The following FOXJ2 variants were observed in gnomAD, a reference collection of about 807,000 sequenced individuals.
The protein encoded by FOXJ2 is forkhead box J2, also known as forkhead box protein J2.
FOXJ2 carries 18 observed loss-of-function variants against 68.4 expected under a neutral mutation model. The ratio of observed to expected loss-of-function variants is 0.26; its 90% CI spans 0.18 to 0.39. The LOEUF (loss-of-function observed/expected upper bound fraction) is 0.39. FOXJ2 is among the 10% of genes least tolerant of loss of function. The pLI, the probability that FOXJ2 is intolerant of heterozygous loss-of-function variation, is 1.00. For missense variants in FOXJ2, 670 were observed against 726.5 expected (o/e 0.92, Z 0.89); for synonymous variants, 274 against 263.2 (o/e 1.04, Z -0.40).
chr12:8,052,621 A>T lies in FOXJ2; in HGVS notation c.1637-141A>T, dbSNP rs1417632684. 3 of 636,278 alleles carry T rather than the reference A, an allele frequency of 4.7e-6. No individual in the cohort carries two copies. The African/African-American group carries it at 5.4e-5, about 12-fold the overall frequency. The allele number at this position is 636,278 out of a possible 1,614,324, so 39.4% of individuals were successfully genotyped here. A position where few individuals can be genotyped will look rare whatever the true frequency, so the allele number is the denominator to read the frequency against. Reference sequence around the variant, plus strand: ...CTCACTGAAATGGTGACCTGCAACCAAAATTAACTCCAGCTGATAAGGGCG... The same window carrying T: ...CTCACTGAAATGGTGACCTGCAACCTAAATTAACTCCAGCTGATAAGGGCG... On this transcript the variant is annotated intron_variant, in intron 10 of 10. Transcript: ENST00000162391.
At position 8,052,986 on chromosome 12, in the gene FOXJ2, AAGCCACTGC is replaced by A; in HGVS notation, c.*138_*146del. On this transcript the variant is annotated 3_prime_UTR_variant, in exon 11 of 11. Transcript: ENST00000162391. ...TCTTTTTGTTCTTTCTCTGTCAGAG[AAGCCACTGC>A]AAGATGCTGCCGAAGATAACCCTCT... The A allele has an allele frequency of 2.0e-6, 1 of 493,076 alleles. No homozygotes were observed. The highest frequency in any genetic ancestry group is 3.6e-6 in the Non-Finnish European group (1 of 276,380). The allele number at this position is 493,076 out of a possible 1,614,324, so 30.5% of individuals were successfully genotyped here. A position where few individuals can be genotyped will look rare whatever the true frequency, so the allele number is the denominator to read the frequency against.
At chr12:8,046,723 A>G (rs1028907132) in intron 6 of FOXJ2, among the ~76,000 whole-genome samples, 4 of 152,226 alleles carry the variant, frequency 2.6e-5, no homozygotes, top group Non-Finnish European at 5.9e-5. Context: ...CAGGTGAGGC[A>G]TTAGACCTTC....
Position 8,040,240 on chromosome 12 carries a change from C to G in FOXJ2, c.333+75C>G. The G allele has an allele frequency of 7.0e-7, 1 of 1,432,722 alleles. No individual in the cohort carries two copies. Among genetic ancestry groups the G allele is most frequent in the Non-Finnish European group, 9.6e-7 (1 of 1,044,624 alleles). 88.8% of individuals were successfully genotyped at this position (1,432,722 alleles called of 1,614,324 possible). On this transcript the variant is annotated intron_variant, in intron 2 of 10. Coordinates refer to ENST00000162391, the MANE Select transcript of FOXJ2 (RefSeq NM_018416.3). This position sits in a 1 kb window ranked among gnomAD's most constrained non-coding sequence, Gnocchi z 4.0. ...TTTAGAGAAAAAGGTTTTGTTTCTT[C>G]TTGTAACCTGTTCAGTTTACTCTGG...
At position 8,033,231 on chromosome 12, in the gene FOXJ2, A is replaced by G. The variant is rs1243285885; in HGVS notation, c.-617A>G. The G allele has an allele frequency of 4.9e-6, 1 of 204,724 alleles. No individual in the cohort carries two copies. The highest frequency in any genetic ancestry group is 2.3e-5 in the African/African-American group (1 of 43,446). The allele number at this position is 204,724 out of a possible 1,614,324, so 12.7% of individuals were successfully genotyped here. ...AGCGCGCCCCCGCCCCTCCAAACAC[A>G]CACTCTCAACAGTTCAGGACTTTGG... is the stretch of plus-strand genomic sequence containing the variant. On this transcript the variant is annotated 5_prime_UTR_variant, in exon 1 of 11. Transcript: ENST00000162391.
In FOXJ2 at chr12:8,054,839, T is replaced by A. The variant is rs1252580644; in HGVS notation, c.*1989T>A. The A allele has an allele frequency of 6.6e-6, 1 of 152,248 alleles. No individual in the cohort carries two copies. Among genetic ancestry groups the A allele is most frequent in the African/African-American group, 2.4e-5 (1 of 41,458 alleles). 9.4% of individuals were successfully genotyped at this position (152,248 alleles called of 1,614,324 possible). On this transcript the variant is annotated 3_prime_UTR_variant, in exon 11 of 11. Transcript: ENST00000162391. ...GGTGTGTCCTATACAAAACTTCCCA[T>A]CAGTTCTCCTCAATATTCCCCATTT...
At chr12:8,037,275 G>A (rs1565626948) in intron 1 of FOXJ2, among the ~76,000 whole-genome samples, 1 of 152,098 alleles carries the variant, frequency 6.6e-6, no homozygotes, top group Non-Finnish European at 1.5e-5. Context: ...GGTCAAAGGA[G>A]AACGGTGCGG....
intron 10 of FOXJ2, 77 bp from the exon 11 acceptor site, chr12:8,052,685 C>T: frequency 2.4e-6 from 3 of 1,257,258 alleles, no homozygotes; most frequent in Non-Finnish European, 2.2e-6. Flanking sequence ...TTATCTGGGG[C>T]TGAGCACTGT....
rs1437954429 is a variant in FOXJ2 at position 8,032,729 on chromosome 12, G to A, written c.-1119G>A. ...GAGCCGGGGCCTGCAGCGGAGCCGA[G>A]CCGAGCCCGAGCCCGCGCCGAGCCC... On this transcript the variant is annotated 5_prime_UTR_variant, in exon 1 of 11. Transcript: ENST00000162391. The surrounding 1 kb of genome is among the most constrained non-coding windows in gnomAD (Gnocchi z 4.8). The A allele has an allele frequency of 1.0e-5, 4 of 394,326 alleles. No individual in the cohort carries two copies. In the Admixed American group the frequency reaches 1.3e-4, roughly 13 times the overall value. 24.4% of individuals were successfully genotyped at this position (394,326 alleles called of 1,614,324 possible). A position where few individuals can be genotyped will look rare whatever the true frequency, so the allele number is the denominator to read the frequency against.
chr12:8,049,054 A>G (rs1947078670), intron 8 of FOXJ2, among the ~76,000 whole-genome samples: 1 of 152,234 alleles, frequency 6.6e-6, no homozygotes, highest in African/African-American at 2.4e-5. Context: ...TCAGGAATTT[A>G]GAGACCGTGG....
intron 2 of FOXJ2, 69 bp from the exon 3 acceptor site, chr12:8,042,589 C>T: frequency 7.4e-7 from 1 of 1,344,002 alleles, no homozygotes; most frequent in Non-Finnish European, 1.1e-6. Context: ...GTGTGTCCCT[C>T]TGTGTTCTAT....
Position 8,043,740 on chromosome 12 carries a change from C to A in FOXJ2, c.448C>A (p.Arg150=). 1.2e-6 allele frequency: 2 copies of A among 1,614,136 alleles called. No individual in the cohort carries two copies. The highest frequency in any genetic ancestry group is 2.2e-5 in the South Asian group (2 of 91,066). ...WTIDTCPDIS[R]KRRHPPDDDL... ...AATTGACACCTGCCCTGACATTTCC[C>A]GAAAGAGAAGACACCCTCCAGATGA... Residue 150 remains arginine (R), a synonymous_variant, in exon 4 of 11, where the codon CGA becomes AGA. Transcript: ENST00000162391.
At chr12:8,047,522 T>G (rs1805096696) in intron 6 of FOXJ2, among the ~76,000 whole-genome samples, 1 of 152,060 alleles carries the variant, frequency 6.6e-6, no homozygotes. Flanking sequence ...ATTTACTTTT[T>G]TTTTTTTCCC....
chr12:8,050,587 C>T lies in FOXJ2; in HGVS notation c.1603C>T (p.Pro535Ser), dbSNP rs1947103653. The stretch of plus-strand genomic sequence containing the variant: ...TGGCCCATCACCAATGTACCCAATC[C>T]CCACCCAGGACTCAGCAGGATACAA... ...YPGPSPMYPI[P>S]TQDSAGYNRP... The change falls in exon 10 of 11, where the codon CCC (proline) becomes TCC (serine). Residue 535 changes from proline to serine, a missense_variant. Physicochemically the swap from Pro to Ser is moderately conservative, Grantham distance 74. Around this residue, in one of 2 missense-constraint regions of FOXJ2, gnomAD observed 555 missense variants for 562.2 expected, o/e 0.99. Coordinates refer to ENST00000162391, the MANE Select transcript of FOXJ2 (RefSeq NM_018416.3). 1 of 1,614,036 alleles carries T rather than the reference C, an allele frequency of 6.2e-7. No individual in the cohort carries two copies. The highest frequency in any genetic ancestry group is 8.5e-7 in the Non-Finnish European group (1 of 1,179,984).
chr12:8,036,298 A>C (rs761131530), intron 1 of FOXJ2, among the ~76,000 whole-genome samples: 1 of 152,202 alleles, frequency 6.6e-6, no homozygotes, highest in Non-Finnish European at 1.5e-5. Context: ...CCTTTCAGAT[A>C]AAATGGGAAG....
Position 8,038,597 on chromosome 12 carries a change from G to A in FOXJ2, c.-14-1222G>A, listed in dbSNP as rs1946926030. Among the ~76,000 whole-genome samples the A allele has an allele frequency of 6.6e-6, 1 of 152,184 alleles. No individual in the cohort carries two copies. Among genetic ancestry groups the A allele is most frequent in the Non-Finnish European group, 1.5e-5 (1 of 68,014 alleles). On this transcript the variant is annotated intron_variant, in intron 1 of 10. Coordinates refer to ENST00000162391, the MANE Select transcript of FOXJ2 (RefSeq NM_018416.3). This position sits in a 1 kb window ranked among gnomAD's most constrained non-coding sequence, Gnocchi z 5.3. ...ACCTGCTAGGCAGCAAGTGCTTAGG[G>A]GGTTGCTGGCATCAGCTCTAGGGGA...
intron 9 of FOXJ2, 56 bp downstream of exon 9, chr12:8,049,627 A>G (rs1565630989): frequency 6.8e-7 from 1 of 1,467,858 alleles, no homozygotes; most frequent in Admixed American, 2.4e-5. Flanking sequence ...AAGGAAGCAT[A>G]GGAGAAAGGC....
intron 1 of FOXJ2, among the ~76,000 whole-genome samples, chr12:8,034,393 A>C (rs1232651574): frequency 6.6e-6 from 1 of 152,208 alleles, no homozygotes; most frequent in African/African-American, 2.4e-5. Context: ...AGATACCAAG[A>C]GGCCTCCTCT....
In FOXJ2 at chr12:8,044,845, C is replaced by T. The variant is rs1290221042; in HGVS notation, c.704C>T (p.Thr235Ile). ...GAGGGTCCCCCTCCCCTCTATAACA[C>T]CAACCATGACTTTAAATTCTCCTAC... Reference protein sequence around the residue: ...SAEGPPPLYNTNHDFKFSYSE... With the variant: ...SAEGPPPLYNINHDFKFSYSE... The change falls in exon 6 of 11, where the codon ACC (threonine) becomes ATC (isoleucine). Residue 235 changes from threonine (T) to isoleucine (I), a missense_variant. This residue lies in a region of FOXJ2 where 555 missense variants were observed against 562.2 expected (regional missense o/e 0.99). Transcript: ENST00000162391. 1 of 1,613,912 alleles carries T rather than the reference C, an allele frequency of 6.2e-7. No individual in the cohort carries two copies. The highest frequency in any genetic ancestry group is 8.5e-7 in the Non-Finnish European group (1 of 1,179,928).
At chr12:8,050,743 A>G in intron 10 of FOXJ2, 123 bp downstream of exon 10, 1 of 1,107,970 alleles carries the variant, frequency 9.0e-7, no homozygotes, top group Non-Finnish European at 1.3e-6. Context: ...ATGAGCCTTT[A>G]TAATTCCCAA....
Sources: gnomAD v4.1 joint callset for allele counts (sites outside exome capture counted in the v4.1 genomes callset) on GRCh38, gnomAD v4.1.1 for gene constraint, gnomAD v4.1.1 regional missense constraint, Gnocchi (gnomAD v3.1) non-coding constraint, MANE v1.5 for transcripts, NCBI Gene and HGNC (gene_info 2026-07-23, HGNC 2026-07-21) for gene names.